Variants in XCR1 observed in about 807,000 individuals in gnomAD.
The protein encoded by XCR1 is chemokine XC receptor 1.
For missense variants in XCR1, 356 were observed against 424.2 expected (o/e 0.84, Z 1.41); for synonymous variants, 187 against 188.5 (o/e 0.99, Z 0.06).
At chr3:46,049,978 A>G (rs1697708636) in intron 5 of XCR1, among the ~76,000 whole-genome samples, 1 of 152,224 alleles carries the variant, frequency 6.6e-6, no homozygotes, top group African/African-American at 2.4e-5. Context: ...TTCTTGACCT[A>G]TGCCTGCCCA....
intron 4 of XCR1, among the ~76,000 whole-genome samples, chr3:46,060,409 T>G (rs535397555): frequency 1.3e-5 from 2 of 152,348 alleles, no homozygotes; most frequent in Non-Finnish European, 2.9e-5. Context: ...ACAAATATAC[T>G]TTGTCTTCTT....
In XCR1 at chr3:46,021,874, T is replaced by C; in HGVS notation, c.74A>G (p.Gln25Arg). The C allele has an allele frequency of 6.2e-7, 1 of 1,614,022 alleles. No individual in the cohort carries two copies. Among genetic ancestry groups the C allele is most frequent in the Admixed American group, 1.7e-5 (1 of 60,012 alleles). ...GGCGAGGGTAGCAAAGACCCAGGCC[T>C]GGTTCTCACACGGCTGGCTCTGAAG... ...YDLQSQPCEN[Q>R]AWVFATLATT... The change falls in exon 2 of 2, where the codon CAG (glutamine) becomes CGG (arginine). Residue 25 changes from glutamine to arginine, a missense_variant. Transcript: ENST00000309285. This position sits in a 1 kb window ranked among gnomAD's most constrained non-coding sequence, Gnocchi z 4.7.
rs1397615625 is a variant in XCR1, at chr3:46,021,149, A to AT, written c.798dup (p.Tyr267IlefsTer17). 1 of 1,614,260 alleles carries AT rather than the reference A, an allele frequency of 6.2e-7. No homozygotes were observed. The highest frequency in any genetic ancestry group is 8.5e-7 in the Non-Finnish European group (1 of 1,180,042). ...AGGTTGCGGCAGATGAGCAGGGCGT[A>AT]TTCTAGCTGCTGTTTGGCCTCGCAG... On this transcript the variant is annotated frameshift_variant, in exon 2 of 2. Transcript: ENST00000309285. LOFTEE classifies it low-confidence loss of function (END_TRUNC). This position sits in a 1 kb window ranked among gnomAD's most constrained non-coding sequence, Gnocchi z 4.7.
intron 4 of XCR1, among the ~76,000 whole-genome samples, chr3:46,059,479 G>C (rs1406897052): frequency 6.6e-6 from 1 of 152,060 alleles, no homozygotes. Context: ...ACAGTCTCAG[G>C]GTTCAGTCCC....
chr3:46,047,304 G>A (rs1697653630), intron 5 of XCR1, among the ~76,000 whole-genome samples: 1 of 152,168 alleles, frequency 6.6e-6, no homozygotes, highest in Non-Finnish European at 1.5e-5. Context: ...AGCAGGTGTG[G>A]CAGCCCAAGG....
chr3:46,051,858 C>T (rs1212208885), intron 5 of XCR1, among the ~76,000 whole-genome samples: 1 of 152,122 alleles, frequency 6.6e-6, no homozygotes, highest in Admixed American at 6.5e-5. Context: ...AACTGTGTCT[C>T]TACTAAAAAT....
At chr3:46,024,278 T>G in intron 1 of XCR1, 1 of 306,508 alleles carries the variant, frequency 3.3e-6, no homozygotes, top group Non-Finnish European at 6.0e-6. Flanking sequence ...CCCGGAAATG[T>G]TTCATCATCT....
intron 4 of XCR1, among the ~76,000 whole-genome samples, chr3:46,054,123 T>C (rs1697805504): frequency 6.6e-6 from 1 of 152,080 alleles, no homozygotes; most frequent in Non-Finnish European, 1.5e-5. Flanking sequence ...AAAGAGCATA[T>C]TTGGAAGAAG....
chr3:46,079,310 A>G (rs748860431), intron 1 of XCR1, among the ~76,000 whole-genome samples: 1 of 152,196 alleles, frequency 6.6e-6, no homozygotes, highest in Non-Finnish European at 1.5e-5. Context: ...GAAATGCCCA[A>G]AATGATTCAT....
chr3:46,053,181 A>C (rs866583845), intron 5 of XCR1, among the ~76,000 whole-genome samples: 1 of 152,176 alleles, frequency 6.6e-6, no homozygotes, highest in East Asian at 1.9e-4. Context: ...CCAAACACAG[A>C]TTCTAGCAAT....
At chr3:46,029,134 T>C (rs1317407696), upstream of XCR1, among the ~76,000 whole-genome samples, 2 of 151,798 alleles carry the variant, frequency 1.3e-5, no homozygotes, top group African/African-American at 4.9e-5. Context: ...TTCTTTCTTC[T>C]ATTCAAGATT....
chr3:46,027,997 C>T (rs1301789893), upstream of XCR1, among the ~76,000 whole-genome samples: 4 of 152,316 alleles, frequency 2.6e-5, no homozygotes, highest in South Asian at 2.1e-4. Context: ...GTACCTCTTC[C>T]TGAGTAGTGC....
rs769210079 is a variant in XCR1, at chr3:46,021,955, A to G, written c.-8T>C. On this transcript the variant is annotated 5_prime_UTR_variant, in exon 2 of 2. Coordinates refer to ENST00000309285, the MANE Select transcript of XCR1 (RefSeq NM_001024644.2). This position sits in a 1 kb window ranked among gnomAD's most constrained non-coding sequence, Gnocchi z 4.7. ...GTTGCCTGAGGACTCCATCTGGACC[A>G]GATGGCAGGGACGTTTAGAGCATCT... 2.5e-6 allele frequency: 4 copies of G among 1,603,034 alleles called. No individual in the cohort carries two copies. The East Asian group carries it at 6.7e-5, about 27-fold the overall frequency.
chr3:46,035,291 C>T (rs1697404308), intron 5 of XCR1, among the ~76,000 whole-genome samples: 1 of 152,194 alleles, frequency 6.6e-6, no homozygotes, highest in South Asian at 2.1e-4. Context: ...TACATTTCTT[C>T]TCTGCTATGT....
intron 5 of XCR1, among the ~76,000 whole-genome samples, chr3:46,049,599 A>G (rs1458255816): frequency 1.3e-5 from 2 of 149,362 alleles, no homozygotes; most frequent in Non-Finnish European, 2.9e-5. Context: ...TTTTGATAGG[A>G]TCTGAAGCTG....
intron 4 of XCR1, among the ~76,000 whole-genome samples, chr3:46,064,959 C>T (rs146211202): frequency 0.011 from 1,651 of 152,140 alleles, 27 homozygotes; most frequent in African/African-American, 0.037. Context: ...GGTGTGGTGG[C>T]GCATGCCTGT....
chr3:46,056,306 G>C (rs1446856228), intron 4 of XCR1, among the ~76,000 whole-genome samples: 2 of 152,042 alleles, frequency 1.3e-5, no homozygotes, highest in Non-Finnish European at 2.9e-5. Context: ...GCCTCCCTAA[G>C]TGTTGGGATT....
intron 4 of XCR1, among the ~76,000 whole-genome samples, chr3:46,054,969 C>T (rs1188291428): frequency 6.6e-6 from 1 of 152,152 alleles, no homozygotes; most frequent in Non-Finnish European, 1.5e-5. Flanking sequence ...AAATCGATCA[C>T]TGGTGGAATC....
intron 5 of XCR1, among the ~76,000 whole-genome samples, chr3:46,046,011 A>C (rs1697618532): frequency 6.6e-6 from 1 of 152,244 alleles, no homozygotes; most frequent in African/African-American, 2.4e-5. Context: ...GTAGTATATA[A>C]GCACAATGGA....
Sources: gnomAD v4.1 joint callset for allele counts (sites outside exome capture counted in the v4.1 genomes callset) on GRCh38, gnomAD v4.1.1 for gene constraint, Gnocchi (gnomAD v3.1) non-coding constraint, MANE v1.5 for transcripts, NCBI Gene and HGNC (gene_info 2026-07-23, HGNC 2026-07-21) for gene names.